ZNF385D: variants seen among roughly 807,000 people sequenced by gnomAD.
ZNF385D encodes the protein zinc finger protein 659.
A neutral mutation model predicts 35.8 loss-of-function variants in ZNF385D; 15 were observed. That is an observed-to-expected ratio of 0.42 (90% CI 0.28 to 0.64). ZNF385D has a LOEUF of 0.64. Ranked by LOEUF, ZNF385D falls within the 30% of genes least tolerant of loss-of-function variation. The probability of loss-of-function intolerance (pLI) is 0.23; values close to 1 mark genes in which losing one functional copy is unlikely to be tolerated. For missense variants in ZNF385D, 474 were observed against 494.6 expected (o/e 0.96, Z 0.39); for synonymous variants, 212 against 186.8 (o/e 1.13, Z -1.10).
intron 1 of ZNF385D, among the ~76,000 whole-genome samples, chr3:21,729,926 G>A (rs150127821): frequency 1.3e-5 from 2 of 152,226 alleles, no homozygotes; most frequent in East Asian, 3.9e-4. Flanking sequence ...CTTTCACAAT[G>A]CACGGACTTC....
intron 2 of ZNF385D, among the ~76,000 whole-genome samples, chr3:22,234,366 C>A (rs529644012): frequency 6.6e-6 from 1 of 152,222 alleles, no homozygotes; most frequent in South Asian, 2.1e-4. Context: ...GAAGACACTT[C>A]CAAATCTAGA....
chr3:22,018,664 C>T (rs1421868241), intron 3 of ZNF385D, among the ~76,000 whole-genome samples: 1 of 151,854 alleles, frequency 6.6e-6, no homozygotes, highest in African/African-American at 2.4e-5. Flanking sequence ...AAGTATAAAT[C>T]CTCCTCTTTG....
chr3:22,046,378 C>T (rs1430017564), intron 3 of ZNF385D, among the ~76,000 whole-genome samples: 1 of 152,028 alleles, frequency 6.6e-6, no homozygotes, highest in Non-Finnish European at 1.5e-5. Flanking sequence ...AAAAAGAATG[C>T]CCTGACAGCC....
chr3:22,243,076 C>T (rs1450380070), intron 2 of ZNF385D, among the ~76,000 whole-genome samples: 1 of 150,778 alleles, frequency 6.6e-6, no homozygotes, highest in Non-Finnish European at 1.5e-5. Context: ...CATTAAATAG[C>T]ACTATCAAAG....
chr3:21,735,667 T>C (rs13072271), intron 1 of ZNF385D, among the ~76,000 whole-genome samples: 1 of 152,080 alleles, frequency 6.6e-6, no homozygotes, highest in African/African-American at 2.4e-5. Context: ...TATCATTAAG[T>C]GCAGTGATTG....
At chr3:22,162,049 A>G (rs1175852200) in intron 3 of ZNF385D, among the ~76,000 whole-genome samples, 2 of 152,194 alleles carry the variant, frequency 1.3e-5, no homozygotes, top group Non-Finnish European at 2.9e-5. Context: ...AATGATGTAT[A>G]TGAAGTACTT....
intron 1 of ZNF385D, among the ~76,000 whole-genome samples, chr3:21,748,663 A>C (rs2069901898): frequency 6.6e-6 from 1 of 152,208 alleles, no homozygotes; most frequent in Non-Finnish European, 1.5e-5. Context: ...AACCATTTGC[A>C]GTTGAAAAAT....
At chr3:22,116,518 AG>A (rs1702819691) in intron 3 of ZNF385D, among the ~76,000 whole-genome samples, 1 of 152,104 alleles carries the variant, frequency 6.6e-6, no homozygotes, top group Non-Finnish European at 1.5e-5. Context: ...AAGTGGGTGA[AG>A]AAAACAGAAA....
intron 3 of ZNF385D, among the ~76,000 whole-genome samples, chr3:21,825,854 AGC>A (rs749473323): frequency 3.3e-5 from 5 of 152,160 alleles, no homozygotes; most frequent in Non-Finnish European, 7.4e-5. Flanking sequence ...GCAGGAGGTG[AGC>A]GCCGGGAAAG....
At chr3:22,169,408 GCATT>G (rs1194154276) in intron 2 of ZNF385D, among the ~76,000 whole-genome samples, 1 of 152,110 alleles carries the variant, frequency 6.6e-6, no homozygotes, top group Non-Finnish European at 1.5e-5. Context: ...GCTGTGATAA[GCATT>G]CAGTTTATCT....
At chr3:21,785,560 G>A (rs1254465204) in intron 3 of ZNF385D, among the ~76,000 whole-genome samples, 1 of 152,004 alleles carries the variant, frequency 6.6e-6, no homozygotes, top group Admixed American at 6.6e-5. Context: ...TCACCTTCCT[G>A]GTATCTCCTC....
intron 3 of ZNF385D, among the ~76,000 whole-genome samples, chr3:21,936,360 T>C (rs1232504998): frequency 6.6e-6 from 1 of 151,680 alleles, no homozygotes; most frequent in Non-Finnish European, 1.5e-5. Context: ...ATTTTTAAAG[T>C]AGTGTGAGCA....
chr3:21,626,350 C>T (rs182870544), intron 2 of ZNF385D, among the ~76,000 whole-genome samples: 11 of 151,954 alleles, frequency 7.2e-5, no homozygotes, highest in South Asian at 2.1e-4. Flanking sequence ...TCACAATCTT[C>T]GCAAAAAGTC....
chr3:21,725,807 CA>C (rs2068736522), intron 1 of ZNF385D, among the ~76,000 whole-genome samples: 1 of 152,034 alleles, frequency 6.6e-6, no homozygotes, highest in Non-Finnish European at 1.5e-5. Flanking sequence ...TAGAAAAAGA[CA>C]GAATCCTCCC....
chr3:21,817,347 A>G (rs547032008), intron 3 of ZNF385D, among the ~76,000 whole-genome samples: 94 of 152,324 alleles, frequency 6.2e-4, no homozygotes, highest in African/African-American at 2.0e-3. Context: ...ATCTAATTAA[A>G]TAAAGAGTTT....
intron 2 of ZNF385D, among the ~76,000 whole-genome samples, chr3:22,216,869 T>C (rs1697921830): frequency 6.6e-6 from 1 of 152,138 alleles, no homozygotes; most frequent in African/African-American, 2.4e-5. Context: ...GCCTAATTCT[T>C]CATTTTATTT....
At chr3:21,618,889 T>G (rs1041935520) in intron 2 of ZNF385D, among the ~76,000 whole-genome samples, 3 of 152,154 alleles carry the variant, frequency 2.0e-5, no homozygotes, top group Non-Finnish European at 4.4e-5. Flanking sequence ...TCTGACCGTG[T>G]GTCACTACAG....
chr3:21,962,673 T>C (rs1355276144), intron 3 of ZNF385D, among the ~76,000 whole-genome samples: 1 of 152,242 alleles, frequency 6.6e-6, no homozygotes, highest in Non-Finnish European at 1.5e-5. Context: ...CCAGTGCTAT[T>C]AACTGGTGAG....
intron 3 of ZNF385D, among the ~76,000 whole-genome samples, chr3:21,767,600 C>A (rs2125601856): frequency 6.6e-6 from 1 of 151,420 alleles, no homozygotes; most frequent in Middle Eastern, 3.4e-3. Flanking sequence ...AGTAGGTGCC[C>A]AATATATACC....
Sources: gnomAD v4.1 joint callset for allele counts (sites outside exome capture counted in the v4.1 genomes callset) on GRCh38, gnomAD v4.1.1 for gene constraint, MANE v1.5 for transcripts, NCBI Gene and HGNC (gene_info 2026-07-23, HGNC 2026-07-21) for gene names.